The following MIPOL1 variants were observed in gnomAD, a reference collection of about 807,000 sequenced individuals.
The protein encoded by MIPOL1 is mirror-image polydactyly 1.
In MIPOL1, 57 loss-of-function variants were observed where a neutral mutation model predicts 60.9. The ratio of observed to expected loss-of-function variants is 0.94; its 90% CI spans 0.76 to 1.17. MIPOL1 has a LOEUF of 1.17. Among genes scored for constraint, MIPOL1 ranks in the 50% most tolerant of loss-of-function variants. The probability of loss-of-function intolerance (pLI) is 0.00; values close to 1 mark genes in which losing one functional copy is unlikely to be tolerated. For synonymous variants in MIPOL1, 179 were observed against 168.8 expected, an observed-to-expected ratio of 1.06 and a Z score of -0.47; for missense variants, 551 against 511.6, an observed-to-expected ratio of 1.08 and a Z score of -0.74.
chr14:37,256,829 TAA>T (rs1236936426), intron 3 of MIPOL1, among the ~76,000 whole-genome samples: 3 of 151,938 alleles, frequency 2.0e-5, no homozygotes, highest in Admixed American at 6.6e-5. Context: ...ATTATTTTTT[TAA>T]AAAGTCTCTG....
chr14:37,260,219 G>A (rs2082423808), intron 3 of MIPOL1, among the ~76,000 whole-genome samples: 1 of 149,700 alleles, frequency 6.7e-6, no homozygotes, highest in Admixed American at 6.7e-5. Context: ...ACCAGTCTGG[G>A]CAACATAGTG....
chr14:37,307,414 C>T (rs145831010), intron 7 of MIPOL1, among the ~76,000 whole-genome samples: 1 of 152,074 alleles, frequency 6.6e-6, no homozygotes, highest in African/African-American at 2.4e-5. Flanking sequence ...TCAGTAGCCA[C>T]TACGACTCTT....
chr14:37,385,479 G>C (rs2093039593), intron 10 of MIPOL1: 1 of 152,130 alleles, frequency 6.6e-6, no homozygotes, highest in Non-Finnish European at 1.5e-5. Flanking sequence ...TAAAACACCT[G>C]TGTTTACTTT....
intron 1 of MIPOL1, among the ~76,000 whole-genome samples, chr14:37,208,793 G>C (rs575502861): frequency 6.6e-6 from 1 of 152,098 alleles, no homozygotes; most frequent in Non-Finnish European, 1.5e-5. Context: ...GATTCACCAT[G>C]TTGGCCAGGC....
chr14:37,460,625 A>G (rs986384500), intron 11 of MIPOL1, among the ~76,000 whole-genome samples: 1 of 152,190 alleles, frequency 6.6e-6, no homozygotes, highest in African/African-American at 2.4e-5. Context: ...GGCACCTCCC[A>G]AAGACTCCTA....
chr14:37,384,001 A>G (rs1057222445), intron 10 of MIPOL1, among the ~76,000 whole-genome samples: 1 of 151,926 alleles, frequency 6.6e-6, no homozygotes, highest in Non-Finnish European at 1.5e-5. Context: ...TTAGATGGTA[A>G]TATAAACCAA....
chr14:37,488,925 C>G, intron 11 of MIPOL1, among the ~76,000 whole-genome samples: 1 of 152,078 alleles, frequency 6.6e-6, no homozygotes, highest in Admixed American at 6.6e-5. Flanking sequence ...CTTGGGGTTG[C>G]TCTTCTCAAG....
chr14:37,280,434 C>T (rs955220790), intron 6 of MIPOL1, among the ~76,000 whole-genome samples: 1 of 152,134 alleles, frequency 6.6e-6, no homozygotes, highest in East Asian at 1.9e-4. Flanking sequence ...ACAATACCAC[C>T]AACATTGTGT....
chr14:37,306,152 G>A (rs1345636897), intron 7 of MIPOL1, among the ~76,000 whole-genome samples: 1 of 151,780 alleles, frequency 6.6e-6, no homozygotes, highest in Non-Finnish European at 1.5e-5. Flanking sequence ...CCTATTGAAA[G>A]CTGTTAATTT....
rs1237874078 is a variant in MIPOL1 at position 37,247,916 on chromosome 14, T to C, written c.19+9T>C. 1 of 1,612,758 alleles carries C rather than the reference T, an allele frequency of 6.2e-7. No homozygotes were observed. The highest frequency in any genetic ancestry group is 8.5e-7 in the Non-Finnish European group (1 of 1,179,260). ...GGAGAACTGGTCAAAAGGTAAGGAC[T>C]TTTAAGGTATTAATACCAAGCCCCA... is the stretch of plus-strand genomic sequence containing the variant. On this transcript the variant is annotated intron_variant, in intron 3 of 12. Coordinates refer to ENST00000684589, the MANE Select transcript of MIPOL1 (RefSeq NM_001388067.1).
rs185494661 is a variant in MIPOL1 at position 37,357,562 on chromosome 14, G to A, written c.829-11955G>A. ...TTGCCATTTGTATGTCATCTTTTGA[G>A]AAATGTCTATTCAATTATTTGGTCT... On this transcript the variant is annotated intron_variant, in intron 9 of 12. Transcript: ENST00000684589. 4.6e-5 allele frequency among the ~76,000 whole-genome samples: 7 copies of A among 152,170 alleles called. No individual in the cohort carries two copies. In the East Asian group the frequency reaches 1.4e-3, roughly 29 times the overall value.
At chr14:37,269,914 G>A (rs559275458) in intron 5 of MIPOL1, among the ~76,000 whole-genome samples, 3 of 152,074 alleles carry the variant, frequency 2.0e-5, no homozygotes, top group East Asian at 3.9e-4. Context: ...TGCAATCTCC[G>A]CCTCCTGGGT....
intron 12 of MIPOL1, among the ~76,000 whole-genome samples, chr14:37,508,118 T>C (rs1222761916): frequency 6.6e-6 from 1 of 152,178 alleles, no homozygotes; most frequent in Non-Finnish European, 1.5e-5. Context: ...CTTCGTAAGA[T>C]GGTATTCATA....
chr14:37,233,539 T>A (rs560744610), intron 1 of MIPOL1, among the ~76,000 whole-genome samples: 1 of 152,316 alleles, frequency 6.6e-6, no homozygotes, highest in African/African-American at 2.4e-5. Context: ...AATTTAACCA[T>A]GTCAGTGCGG....
intron 10 of MIPOL1, among the ~76,000 whole-genome samples, chr14:37,408,247 C>G (rs1390739758): frequency 6.6e-6 from 1 of 152,066 alleles, no homozygotes; most frequent in African/African-American, 2.4e-5. Context: ...TTTTATTTTA[C>G]TTTTCATATA....
In MIPOL1 at chr14:37,355,610, T is replaced by G. The variant is rs1212477522; in HGVS notation, c.829-13907T>G. Among the ~76,000 whole-genome samples the G allele has an allele frequency of 8.8e-3, 429 of 48,934 alleles. 6 individuals are homozygous for G. Among genetic ancestry groups the G allele is most frequent in the African/African-American group, 0.016 (415 of 26,670 alleles). The allele number at this position is 48,934 out of a possible 152,430, so 32.1% of individuals were successfully genotyped here. On this transcript the variant is annotated intron_variant, in intron 9 of 12. Coordinates refer to ENST00000684589, the MANE Select transcript of MIPOL1 (RefSeq NM_001388067.1). ...TCTTGGAGGCTTTGCTCATTTCTTT[T>G]TATTCTTTTTTCTCTAAACTTCCCT...
chr14:37,489,769 C>T (rs1225810173), intron 11 of MIPOL1, among the ~76,000 whole-genome samples: 1 of 152,038 alleles, frequency 6.6e-6, no homozygotes, highest in Non-Finnish European at 1.5e-5. Context: ...GCCTGGGTAT[C>T]ACCAGCAGAA....
At chr14:37,450,395 A>C (rs546968391) in intron 11 of MIPOL1, among the ~76,000 whole-genome samples, 4 of 152,160 alleles carry the variant, frequency 2.6e-5, no homozygotes, top group South Asian at 2.1e-4. Flanking sequence ...TATAGAATTC[A>C]TATTTTAACA....
intron 9 of MIPOL1, 77 bp downstream of exon 9, chr14:37,308,596 T>C: frequency 1.8e-6 from 2 of 1,091,472 alleles, no homozygotes; most frequent in Non-Finnish European, 2.5e-6. Flanking sequence ...AAACTGACTT[T>C]GGCCCAGATA....
Sources: allele counts gnomAD v4.1 joint callset (sites outside exome capture counted in the v4.1 genomes callset), GRCh38; gene constraint gnomAD v4.1.1; transcripts MANE v1.5; gene names NCBI Gene and HGNC (gene_info 2026-07-23, HGNC 2026-07-21).